The following BOLL variants were observed in gnomAD, a reference collection of about 807,000 sequenced individuals.
BOLL encodes protein boule-like.
A neutral mutation model predicts 44.4 loss-of-function variants in BOLL; 23 were observed. The ratio of observed to expected loss-of-function variants is 0.52; its 90% CI spans 0.37 to 0.73. The LOEUF is 0.73. Among genes scored for constraint, BOLL ranks in the 30% least tolerant of loss-of-function variants. BOLL has a pLI of 0.00. For missense variants in BOLL, 287 were observed against 338.3 expected (o/e 0.85, Z 1.19); for synonymous variants, 97 against 110.8 (o/e 0.88, Z 0.78).
chr2:197,729,558 T>C (rs1409554330), intron 10 of BOLL, among the ~76,000 whole-genome samples: 1 of 152,156 alleles, frequency 6.6e-6, no homozygotes, highest in Non-Finnish European at 1.5e-5. Context: ...GACTTAAATG[T>C]CCCTGTCTGA....
chr2:197,729,432 G>A (rs1462255325), intron 10 of BOLL, among the ~76,000 whole-genome samples: 1 of 152,216 alleles, frequency 6.6e-6, no homozygotes, highest in African/African-American at 2.4e-5. Flanking sequence ...AAACAAAGCA[G>A]CTGGGAAGCT....
chr2:197,775,410 G>C (rs1689462184), intron 5 of BOLL, among the ~76,000 whole-genome samples: 1 of 151,606 alleles, frequency 6.6e-6, no homozygotes, highest in Non-Finnish European at 1.5e-5. Flanking sequence ...CATCACGAAA[G>C]ATTTTTTTTC....
chr2:197,784,731 A>G (rs1363741776), intron 1 of BOLL: 2 of 987,520 alleles, frequency 2.0e-6, no homozygotes, highest in Non-Finnish European at 2.4e-6. Context: ...CCAGGCCTAC[A>G]AAATATTTTA....
chr2:197,731,912 A>T (rs1687201910), intron 10 of BOLL, among the ~76,000 whole-genome samples: 1 of 151,154 alleles, frequency 6.6e-6, no homozygotes, highest in African/African-American at 2.5e-5. Flanking sequence ...GAACTAGAAA[A>T]GCAAGAGCAA....
intron 10 of BOLL, among the ~76,000 whole-genome samples, chr2:197,729,842 A>C (rs1687065955): frequency 6.6e-6 from 1 of 151,842 alleles, no homozygotes; most frequent in African/African-American, 2.4e-5. Context: ...CCAAAAGTAG[A>C]TAAAACCACA....
chr2:197,739,122 A>G (rs1339395968), intron 10 of BOLL, among the ~76,000 whole-genome samples: 1 of 152,190 alleles, frequency 6.6e-6, no homozygotes, highest in Non-Finnish European at 1.5e-5. Context: ...AATATTGAGT[A>G]TAAAATGCAT....
intron 3 of BOLL, 81 bp from the exon 4 acceptor site, chr2:197,777,194 T>C: frequency 1.0e-6 from 1 of 997,316 alleles, no homozygotes; most frequent in Non-Finnish European, 1.4e-6. Context: ...TTAAAAATTT[T>C]GTTTTTAAAT....
intron 1 of BOLL, chr2:197,784,708 G>A (rs1441191973): frequency 1.7e-5 from 17 of 986,066 alleles, no homozygotes; most frequent in Non-Finnish European, 1.9e-5. Context: ...GATTACAGGC[G>A]GGAGCCATCG....
chr2:197,783,456 C>A (rs1023966602), intron 1 of BOLL, among the ~76,000 whole-genome samples: 1 of 152,188 alleles, frequency 6.6e-6, no homozygotes, highest in African/African-American at 2.4e-5. Flanking sequence ...CTAAATTAAT[C>A]TTTGCAAGAT....
At chr2:197,743,832 A>G (rs1183405793) in intron 9 of BOLL, among the ~76,000 whole-genome samples, 1 of 150,970 alleles carries the variant, frequency 6.6e-6, no homozygotes, top group Admixed American at 6.6e-5. Flanking sequence ...TTTTTTTTTG[A>G]GATGGAGTCT....
upstream of BOLL, chr2:197,786,085 C>CGTGTCCTGCCT (rs1690062347): frequency 6.5e-7 from 1 of 1,536,902 alleles, no homozygotes; most frequent in Non-Finnish European, 8.8e-7. The surrounding 1 kb of genome is among the most constrained non-coding windows in gnomAD (Gnocchi z 5.9). Context: ...GGCAGCAGCG[C>CGTGTCCTGCCT]TGCTTGTCCT....
At chr2:197,784,759 G>T (rs929312314) in intron 1 of BOLL, 7 of 987,398 alleles carry the variant, frequency 7.1e-6, no homozygotes, top group Admixed American at 6.1e-5. Flanking sequence ...CAATAGCAAG[G>T]CTCAGGTGGA....
In BOLL at chr2:197,743,045, A is replaced by C. The variant is rs1025451306; in HGVS notation, c.828+16T>G. Reference sequence around the variant, plus strand: ...TGGAAGAAAAACAAAGTAAAAAGTCAAAACAAATTTCTTACTTTAATTGGC... The same window carrying C: ...TGGAAGAAAAACAAAGTAAAAAGTCCAAACAAATTTCTTACTTTAATTGGC... On this transcript the variant is annotated intron_variant, in intron 10 of 10. Coordinates refer to ENST00000392296, the MANE Select transcript of BOLL (RefSeq NM_033030.6). 6.5e-7 allele frequency: 1 copy of C among 1,540,842 alleles called. No individual in the cohort carries two copies. Among genetic ancestry groups the C allele is most frequent in the South Asian group, 1.2e-5 (1 of 80,648 alleles).
At chr2:197,754,094 C>T (rs1268675908) in intron 9 of BOLL, among the ~76,000 whole-genome samples, 1 of 152,034 alleles carries the variant, frequency 6.6e-6, no homozygotes, top group Non-Finnish European at 1.5e-5. Flanking sequence ...AATGAGAACA[C>T]ATGGACATAG....
upstream of BOLL, among the ~76,000 whole-genome samples, chr2:197,785,612 C>T (rs1263840410): frequency 6.6e-6 from 1 of 152,212 alleles, no homozygotes; most frequent in African/African-American, 2.4e-5. This position sits in a 1 kb window ranked among gnomAD's most constrained non-coding sequence, Gnocchi z 6.7. Context: ...GGGTCGAGTT[C>T]GGCCGCAGGG....
intron 4 of BOLL, 121 bp downstream of exon 4, chr2:197,776,938 G>A: frequency 1.4e-6 from 1 of 699,210 alleles, no homozygotes; most frequent in Non-Finnish European, 2.2e-6. Flanking sequence ...AGAGACCAAT[G>A]CCAATCTTAA....
chr2:197,765,836 C>G (rs1294635679), intron 7 of BOLL, among the ~76,000 whole-genome samples: 1 of 152,042 alleles, frequency 6.6e-6, no homozygotes, highest in Non-Finnish European at 1.5e-5. Flanking sequence ...CTGCTCTTCT[C>G]CCTCTTCCCA....
rs1388780543 is a variant in BOLL at position 197,727,291 on chromosome 2, T to TA, written c.*1263dup. 1 of 152,358 alleles carries TA rather than the reference T, an allele frequency of 6.6e-6. No homozygotes were observed. The highest frequency in any genetic ancestry group is 1.5e-5 in the Non-Finnish European group (1 of 68,054). 9.4% of individuals were successfully genotyped at this position (152,358 alleles called of 1,614,324 possible). On this transcript the variant is annotated 3_prime_UTR_variant, in exon 11 of 11. Coordinates refer to ENST00000392296, the MANE Select transcript of BOLL (RefSeq NM_033030.6). ...TCTGCTGCTGCTGCTGAGCATGGAA[T>TA]ACATGTGGGGTTGAAACAGGGGAGG...
intron 9 of BOLL, among the ~76,000 whole-genome samples, chr2:197,747,055 T>G (rs1401441333): frequency 2.0e-5 from 3 of 152,086 alleles, no homozygotes; most frequent in African/African-American, 7.2e-5. Flanking sequence ...CTATAGTTAA[T>G]AATAACATAT....
Sources: gnomAD v4.1 joint callset for allele counts (sites outside exome capture counted in the v4.1 genomes callset) on GRCh38, gnomAD v4.1.1 for gene constraint, Gnocchi (gnomAD v3.1) non-coding constraint, MANE v1.5 for transcripts, NCBI Gene and HGNC (gene_info 2026-07-23, HGNC 2026-07-21) for gene names.